Variants in STK3 observed in about 807,000 individuals in gnomAD.
STK3 encodes the protein serine/threonine kinase 3.
A neutral mutation model predicts 58.0 loss-of-function variants in STK3; 41 were observed. The observed-to-expected ratio is 0.71, with a 90% CI of 0.55 to 0.92. The LOEUF is 0.92. Ranked by LOEUF, STK3 falls within the 40% of genes least tolerant of loss-of-function variation. The pLI is 0.00. For missense variants in STK3, 479 were observed against 602.7 expected, an observed-to-expected ratio of 0.79 and a Z score of 2.15; for synonymous variants, 170 against 191.0, an observed-to-expected ratio of 0.89 and a Z score of 0.91.
chr8:98,487,903 T>C (rs1822395186), intron 10 of STK3, among the ~76,000 whole-genome samples: 1 of 152,232 alleles, frequency 6.6e-6, no homozygotes, highest in Admixed American at 6.5e-5. Context: ...ATTTAGATAA[T>C]CTGTGTGTTT....
chr8:98,440,930 A>G (rs1408990035), intron 1 of STK3, among the ~76,000 whole-genome samples: 1 of 152,224 alleles, frequency 6.6e-6, no homozygotes, highest in Non-Finnish European at 1.5e-5. Flanking sequence ...GCCCATGCTC[A>G]AAAATGAGGG....
At chr8:98,722,415 T>C (rs921716305) in intron 4 of STK3, among the ~76,000 whole-genome samples, 2 of 152,170 alleles carry the variant, frequency 1.3e-5, no homozygotes, top group African/African-American at 4.8e-5. Flanking sequence ...TCTACAAGTA[T>C]TGTGTGTCAC....
intron 2 of STK3, among the ~76,000 whole-genome samples, chr8:98,375,749 T>C (rs1430474593): frequency 6.6e-6 from 1 of 152,232 alleles, no homozygotes; most frequent in Non-Finnish European, 1.5e-5. Flanking sequence ...TTCCTTTTCA[T>C]TACTGAAAAC....
intron 1 of STK3, among the ~76,000 whole-genome samples, chr8:98,887,096 C>CAAAAAAAG (rs1478008437): frequency 2.7e-5 from 4 of 150,786 alleles, no homozygotes. Flanking sequence ...GACTCCACCT[C>CAAAAAAAG]AAAAAAAGAA....
chr8:98,603,361 C>T (rs963986763), intron 6 of STK3: 2 of 152,110 alleles, frequency 1.3e-5, no homozygotes, highest in African/African-American at 4.8e-5. Context: ...CTCAGCCTCC[C>T]AAGTAGCTGG....
chr8:98,554,711 G>A (rs974260970), intron 8 of STK3, among the ~76,000 whole-genome samples: 21 of 152,030 alleles, frequency 1.4e-4, no homozygotes, highest in Admixed American at 1.4e-3. Context: ...AAGTACAGAT[G>A]GAATGATAAC....
intron 6 of STK3, among the ~76,000 whole-genome samples, chr8:98,667,985 C>A (rs1266168735): frequency 6.6e-6 from 1 of 152,044 alleles, no homozygotes; most frequent in Non-Finnish European, 1.5e-5. Flanking sequence ...CTTAAAAATA[C>A]ATTAGAGTAT....
chr8:98,347,550 G>A, the STK3 span, among the ~76,000 whole-genome samples: 8 of 150,406 alleles, frequency 5.3e-5, no homozygotes, highest in Non-Finnish European at 7.4e-5. Flanking sequence ...AAACCACAGC[G>A]TATTAATCCA....
intron 4 of STK3, among the ~76,000 whole-genome samples, chr8:98,725,092 T>A (rs1393074784): frequency 6.6e-6 from 1 of 152,134 alleles, no homozygotes; most frequent in Non-Finnish European, 1.5e-5. Context: ...AATAAAACAT[T>A]AAAAAGTTAG....
intron 1 of STK3, among the ~76,000 whole-genome samples, chr8:98,780,547 A>G (rs1832022104): frequency 6.6e-6 from 1 of 152,110 alleles, no homozygotes; most frequent in Non-Finnish European, 1.5e-5. Flanking sequence ...GACTTCACTT[A>G]TAAGCTTTTA....
chr8:98,562,580 C>CAGTGT, intron 8 of STK3, among the ~76,000 whole-genome samples: 1 of 151,332 alleles, frequency 6.6e-6, no homozygotes, highest in South Asian at 2.1e-4. Flanking sequence ...TTTGACAGTA[C>CAGTGT]AGTGTATCAT....
chr8:98,795,225 T>C (rs1467433435), intron 1 of STK3, among the ~76,000 whole-genome samples: 1 of 146,778 alleles, frequency 6.8e-6, no homozygotes, highest in Non-Finnish European at 1.5e-5. Context: ...GTTCAACATA[T>C]GCAAATCAAT....
chr8:98,441,396 T>G (rs1442969078), intron 1 of STK3, among the ~76,000 whole-genome samples: 2 of 152,226 alleles, frequency 1.3e-5, no homozygotes, highest in Non-Finnish European at 2.9e-5. Context: ...CACAGTGTGG[T>G]TGTATCAAAG....
At chr8:98,698,384 G>A (rs1455884209) in intron 6 of STK3, among the ~76,000 whole-genome samples, 5 of 152,118 alleles carry the variant, frequency 3.3e-5, no homozygotes, top group Admixed American at 6.5e-5. Flanking sequence ...ATATTGTTAT[G>A]TGTGAATTTG....
At chr8:98,392,347 A>G (rs1817856763), upstream of STK3, among the ~76,000 whole-genome samples, 1 of 152,106 alleles carries the variant, frequency 6.6e-6, no homozygotes, top group Non-Finnish European at 1.5e-5. Flanking sequence ...TCCATATTTC[A>G]TCCTAAACAA....
At position 98,749,483 on chromosome 8, in the gene STK3, T is replaced by C. The variant is rs900015310; in HGVS notation, c.237-93A>G. On this transcript the variant is annotated intron_variant, in intron 3 of 10. Transcript: ENST00000419617. ...ACAAAGTATTTTCAACATTTCATAC[T>C]GTTCCAATAAGTTAAATAAGTAAAT... The C allele has an allele frequency of 1.0e-5, 6 of 575,158 alleles. No individual in the cohort carries two copies. The Admixed American group carries it at 1.9e-4, about 19-fold the overall frequency. The allele number at this position is 575,158 out of a possible 1,614,324, so 35.6% of individuals were successfully genotyped here.
intron 6 of STK3, among the ~76,000 whole-genome samples, chr8:98,649,330 A>C (rs1436112879): frequency 1.3e-5 from 2 of 152,112 alleles, no homozygotes; most frequent in Non-Finnish European, 2.9e-5. Flanking sequence ...TCCCACATAT[A>C]AGTTACAAAA....
intron 6 of STK3, among the ~76,000 whole-genome samples, chr8:98,652,700 GAC>G (rs1821061968): frequency 6.7e-6 from 1 of 149,000 alleles, no homozygotes; most frequent in Admixed American, 6.7e-5. Flanking sequence ...TGATAAAACA[GAC>G]TTTAAACCAA....
chr8:98,620,772 A>C (rs1302845136), intron 6 of STK3, among the ~76,000 whole-genome samples: 1 of 152,048 alleles, frequency 6.6e-6, no homozygotes, highest in Admixed American at 6.5e-5. Context: ...CACACACAAG[A>C]AATTGACAAA....
Sources: allele counts gnomAD v4.1 joint callset (sites outside exome capture counted in the v4.1 genomes callset), GRCh38; gene constraint gnomAD v4.1.1; transcripts MANE v1.5; gene names NCBI Gene and HGNC (gene_info 2026-07-23, HGNC 2026-07-21).